RP1: variants seen among roughly 807,000 people sequenced by gnomAD.
The protein encoded by RP1 is oxygen-regulated protein 1.
In RP1, 16 loss-of-function variants were observed where a neutral mutation model predicts 14.8. The ratio of observed to expected loss-of-function variants is 1.08; its 90% CI spans 0.73 to 1.65. RP1 has a LOEUF of 1.65. Among genes scored for constraint, RP1 ranks in the 40% most tolerant of loss-of-function variants. The pLI, the probability that RP1 is intolerant of heterozygous loss-of-function variation, is 0.00. For missense variants in RP1, 2,631 were observed against 2,535.0 expected, an observed-to-expected ratio of 1.04 and a Z score of -0.81; for synonymous variants, 876 against 883.6, an observed-to-expected ratio of 0.99 and a Z score of 0.15.
chr8:54,629,034 A>G lies in RP1; in HGVS notation c.5152A>G (p.Ile1718Val). The stretch of plus-strand genomic sequence containing the variant: ...GAGGGACAATTATTGTAGGGGTGAC[A>G]TTGTAGAACCTGGTACAAAACAAAA... ...AVRDNYCRGD[I>V]VEPGTKQNDD... The change falls in exon 4 of 4, where the codon ATT (isoleucine) becomes GTT (valine). Residue 1718 changes from isoleucine (I) to valine (V), a missense_variant. By Grantham distance (29) the Ile-to-Val change is conservative. Coordinates refer to ENST00000220676, the MANE Select transcript of RP1 (RefSeq NM_006269.2). The G allele has an allele frequency of 6.2e-7, 1 of 1,614,128 alleles. No individual in the cohort carries two copies. The highest frequency in any genetic ancestry group is 1.1e-5 in the South Asian group (1 of 91,082).
At chr8:54,611,897 C>T (rs1460130152), upstream of RP1, among the ~76,000 whole-genome samples, 1 of 132,748 alleles carries the variant, frequency 7.5e-6, no homozygotes, top group East Asian at 2.7e-4. Context: ...CCCTTCCTTC[C>T]TTCCTTCCTT....
At chr8:54,642,516 G>T (rs1233993960) in intron 3 of RP1, among the ~76,000 whole-genome samples, 1 of 151,908 alleles carries the variant, frequency 6.6e-6, no homozygotes, top group Non-Finnish European at 1.5e-5. Flanking sequence ...TTTTTTATTT[G>T]TAAAACTGAG....
rs556302461 is a variant in RP1, at chr8:54,687,056, C to A, written c.1717+7123C>A. Among the ~76,000 whole-genome samples the A allele has an allele frequency of 5.9e-5, 9 of 152,096 alleles. No individual in the cohort carries two copies. The South Asian group carries it at 1.9e-3, about 32-fold the overall frequency. On this transcript the variant is annotated intron_variant, in intron 12 of 22. Transcript: ENST00000636932. ...GAGTGTTTATTCATGCCATGTCAGA[C>A]TATAACACATGGAAAAGATAATTGC...
intron 16 of RP1, among the ~76,000 whole-genome samples, chr8:54,723,074 G>A (rs1056826318): frequency 6.6e-6 from 1 of 152,152 alleles, no homozygotes; most frequent in African/African-American, 2.4e-5. Context: ...CCAGGTCCTG[G>A]GTGCGGGGAG....
intron 16 of RP1, among the ~76,000 whole-genome samples, chr8:54,721,049 A>G (rs1435197552): frequency 6.6e-6 from 1 of 152,176 alleles, no homozygotes; most frequent in Non-Finnish European, 1.5e-5. Flanking sequence ...CTATTGGCTT[A>G]TGAGAGTACA....
intron 6 of RP1, among the ~76,000 whole-genome samples, chr8:54,660,938 C>T (rs1270797965): frequency 6.6e-6 from 1 of 151,810 alleles, no homozygotes; most frequent in African/African-American, 2.4e-5. Context: ...TTACTCTGAT[C>T]CCCCTCCGCT....
rs573909424 is a variant in RP1 at position 54,577,712 on chromosome 8, A to G, written c.-13+18392A>G. ...AGATATATACTGTGATATCCTCCTCATATTGTAGATGAGGAAATGGATGCT... is the reference window on the plus strand; with the variant it reads ...AGATATATACTGTGATATCCTCCTCGTATTGTAGATGAGGAAATGGATGCT... On this transcript the variant is annotated intron_variant, in intron 1 of 22. Coordinates refer to the RP1 transcript ENST00000636932. Among the ~76,000 whole-genome samples, 3 of 152,224 alleles carry G rather than the reference A, an allele frequency of 2.0e-5. No homozygotes were observed. The East Asian group carries it at 5.8e-4, about 29-fold the overall frequency.
chr8:54,670,517 GTA>G (rs1318605116), intron 7 of RP1, among the ~76,000 whole-genome samples: 1 of 24,884 alleles, frequency 4.0e-5, no homozygotes, highest in African/African-American at 8.9e-5. Context: ...ACATATATAT[GTA>G]TGTGTATATA....
intron 1 of RP1, among the ~76,000 whole-genome samples, chr8:54,589,460 A>C (rs1356426291): frequency 1.3e-5 from 2 of 152,166 alleles, no homozygotes; most frequent in African/African-American, 4.8e-5. Context: ...TTTTCAGAGA[A>C]AGTGGAAAAA....
chr8:54,808,945 A>C (rs1317134442), intron 24 of RP1, among the ~76,000 whole-genome samples: 2 of 152,238 alleles, frequency 1.3e-5, no homozygotes, highest in African/African-American at 2.4e-5. Flanking sequence ...TATAGCATAA[A>C]CAATTAGTAC....
downstream of RP1, among the ~76,000 whole-genome samples, chr8:54,634,804 G>T (rs1285625638): frequency 6.6e-6 from 1 of 152,150 alleles, no homozygotes; most frequent in Non-Finnish European, 1.5e-5. Flanking sequence ...ACAATGGGCT[G>T]GGCGCAGTGG....
At chr8:54,787,636 T>A (rs1476226755) in intron 24 of RP1, among the ~76,000 whole-genome samples, 1 of 152,186 alleles carries the variant, frequency 6.6e-6, no homozygotes, top group East Asian at 1.9e-4. Context: ...TGGGAAAAAG[T>A]TAGTGCTTAT....
chr8:54,720,286 T>C lies in RP1; in HGVS notation c.2369T>C (p.Phe790Ser), dbSNP rs1339839245. Residue 790 changes from phenylalanine to serine, a missense_variant, in exon 16 of 23, where the codon TTC becomes TCC. Transcript: ENST00000636932. Reference sequence around the variant, plus strand: ...TATACCAAGGATGAGAATGTTTGCTTCTATCCACAAGTCATCCAATGTATG... The same window carrying C: ...TATACCAAGGATGAGAATGTTTGCTCCTATCCACAAGTCATCCAATGTATG... 3 of 1,535,136 alleles carry C rather than the reference T, an allele frequency of 2.0e-6. No homozygotes were observed. In the African/African-American group the frequency reaches 4.1e-5, roughly 21 times the overall value.
chr8:54,806,383 G>A (rs1451380839), intron 24 of RP1, among the ~76,000 whole-genome samples: 1 of 152,050 alleles, frequency 6.6e-6, no homozygotes, highest in African/African-American at 2.4e-5. Flanking sequence ...TTTCAGTGTG[G>A]AATCATGGAC....
intron 1 of RP1, among the ~76,000 whole-genome samples, chr8:54,582,461 C>T (rs10808889): frequency 1.3e-5 from 2 of 149,022 alleles, no homozygotes; most frequent in Non-Finnish European, 3.0e-5. Context: ...TGTTCTTTTG[C>T]CTTAGGATTG....
chr8:54,691,835 C>CT (rs1458800250), intron 12 of RP1, among the ~76,000 whole-genome samples: 1 of 151,724 alleles, frequency 6.6e-6, no homozygotes, highest in African/African-American at 2.4e-5. Context: ...TATTATTATA[C>CT]TTTAAGTTTT....
intron 24 of RP1, among the ~76,000 whole-genome samples, chr8:54,785,974 A>G (rs147211462): frequency 1.2e-3 from 184 of 152,194 alleles, no homozygotes; most frequent in African/African-American, 4.2e-3. Flanking sequence ...TATATTCCCA[A>G]TATGAATCTG....
At chr8:54,812,901 C>G (rs1483971986) in intron 24 of RP1, among the ~76,000 whole-genome samples, 2 of 152,180 alleles carry the variant, frequency 1.3e-5, no homozygotes, top group East Asian at 3.8e-4. Flanking sequence ...CAGCAGCTCG[C>G]TGCTATAGTT....
chr8:54,627,900 A>T lies in RP1; in HGVS notation c.4018A>T (p.Asn1340Tyr). The T allele has an allele frequency of 6.2e-7, 1 of 1,614,158 alleles. No homozygotes were observed. The highest frequency in any genetic ancestry group is 1.7e-4 in the Middle Eastern group (1 of 6,060). ...DETYVPVNVC[N>Y]TIDFLNSKEN... ...GACCTACGTTCCTGTCAATGTCTGC[A>T]ATACCATTGACTTTTTAAACTCCAA... The change falls in exon 4 of 4, where the codon AAT (asparagine) becomes TAT (tyrosine). Residue 1340 changes from asparagine to tyrosine, a missense_variant. Coordinates refer to ENST00000220676, the MANE Select transcript of RP1 (RefSeq NM_006269.2).
Sources: gnomAD v4.1 joint callset for allele counts (sites outside exome capture counted in the v4.1 genomes callset) on GRCh38, gnomAD v4.1.1 for gene constraint, MANE v1.5 for transcripts, NCBI Gene and HGNC (gene_info 2026-07-23, HGNC 2026-07-21) for gene names.